The following TMEM45A variants were observed in gnomAD, a reference collection of about 807,000 sequenced individuals.
TMEM45A encodes the protein transmembrane protein 45A, also known as DNA polymerase-transactivated protein 4.
Under a neutral mutation model 32.0 loss-of-function variants are expected in TMEM45A, and 25 were observed. The ratio of observed to expected loss-of-function variants is 0.78; its 90% CI spans 0.57 to 1.09. TMEM45A has a LOEUF of 1.09. Ranked by LOEUF, TMEM45A falls within the 50% of genes least tolerant of loss-of-function variation. The pLI is 0.00. For missense variants in TMEM45A, 302 were observed against 325.0 expected, an observed-to-expected ratio of 0.93 and a Z score of 0.54; for synonymous variants, 122 against 114.8, an observed-to-expected ratio of 1.06 and a Z score of -0.40.
intron 1 of TMEM45A, among the ~76,000 whole-genome samples, chr3:100,509,849 G>A (rs1438076247): frequency 1.3e-5 from 2 of 152,186 alleles, no homozygotes; most frequent in African/African-American, 4.8e-5. Context: ...GTCAAAGAAA[G>A]GGGCGACAGA....
intron 1 of TMEM45A, among the ~76,000 whole-genome samples, chr3:100,499,614 C>A (rs141403582): frequency 3.9e-5 from 6 of 152,120 alleles, no homozygotes; most frequent in Non-Finnish European, 7.4e-5. Context: ...CAGTGGCTCA[C>A]GCTTTTAATC....
chr3:100,502,434 A>G (rs969550693), intron 1 of TMEM45A, among the ~76,000 whole-genome samples: 10 of 152,204 alleles, frequency 6.6e-5, no homozygotes, highest in African/African-American at 2.4e-4. Flanking sequence ...GCATTTAGAA[A>G]AGATTTGGGG....
Position 100,555,204 on chromosome 3 carries a change from T to G in TMEM45A, c.-3-5T>G. The stretch of plus-strand genomic sequence containing the variant: ...TTTACTTTCTGTGTGTTCTTATATT[T>G]GTAGATCATGGGGAATTTCAGAGGT... On this transcript the variant is annotated splice_region_variant and splice_polypyrimidine_tract_variant and intron_variant, in intron 1 of 5. Transcript: ENST00000323523. 1 of 1,587,200 alleles carries G rather than the reference T, an allele frequency of 6.3e-7. No individual in the cohort carries two copies. The highest frequency in any genetic ancestry group is 8.6e-7 in the Non-Finnish European group (1 of 1,167,720).
chr3:100,575,680 T>C (rs2149000045), intron 5 of TMEM45A, among the ~76,000 whole-genome samples: 1 of 152,298 alleles, frequency 6.6e-6, no homozygotes, highest in Middle Eastern at 3.4e-3. Context: ...CCAGATTCTC[T>C]TAAACTATGA....
At chr3:100,569,662 A>G (rs2148995424) in intron 5 of TMEM45A, among the ~76,000 whole-genome samples, 1 of 152,344 alleles carries the variant, frequency 6.6e-6, no homozygotes, top group East Asian at 1.9e-4. Flanking sequence ...TTAGGACATA[A>G]TAAGAGCTCA....
At chr3:100,511,478 A>G (rs1708158635) in intron 1 of TMEM45A, among the ~76,000 whole-genome samples, 1 of 152,172 alleles carries the variant, frequency 6.6e-6, no homozygotes, top group Non-Finnish European at 1.5e-5. Flanking sequence ...AGGAAGCGCT[A>G]AACATGGAAA....
At chr3:100,553,090 C>A (rs1706141323) in intron 1 of TMEM45A, among the ~76,000 whole-genome samples, 1 of 152,160 alleles carries the variant, frequency 6.6e-6, no homozygotes, top group African/African-American at 2.4e-5. Flanking sequence ...ATAGCATGAG[C>A]TTATTTAACA....
At chr3:100,549,913 G>A (rs547316363) in intron 1 of TMEM45A, among the ~76,000 whole-genome samples, 109 of 151,656 alleles carry the variant, frequency 7.2e-4, no homozygotes, top group African/African-American at 2.4e-3. Flanking sequence ...ATTTTTTATG[G>A]CTGCATAGTA....
rs966241161 is a variant in TMEM45A, at chr3:100,515,394, C to T, written c.-4+22466C>T. Among the ~76,000 whole-genome samples, 22 of 147,954 alleles carry T rather than the reference C, an allele frequency of 1.5e-4. 1 individual carries two copies. The highest frequency in any genetic ancestry group is 4.2e-4 in the South Asian group (2 of 4,720). On this transcript the variant is annotated intron_variant, in intron 1 of 5. Coordinates refer to ENST00000323523, the MANE Select transcript of TMEM45A (RefSeq NM_018004.3). ...ATCACAAGAACAAAAAACCAAACAC[C>T]GCATATTCTCACTCATAGGTGGGAA...
At chr3:100,558,373 C>A in intron 3 of TMEM45A, 32 bp from the exon 4 acceptor site, 1 of 1,610,856 alleles carries the variant, frequency 6.2e-7, no homozygotes, top group Non-Finnish European at 8.5e-7. Context: ...CTTGGTTCCA[C>A]TGAAAAAGAC....
chr3:100,558,559 C>T lies in TMEM45A; in HGVS notation c.558C>T (p.Leu186=). 1 of 1,614,122 alleles carries T rather than the reference C, an allele frequency of 6.2e-7. No individual in the cohort carries two copies. Among genetic ancestry groups the T allele is most frequent in the Non-Finnish European group, 8.5e-7 (1 of 1,179,968 alleles). Residue 186 remains leucine (L), a synonymous_variant, in exon 4 of 6, where the codon CTC becomes CTT. Transcript: ENST00000323523. ...TTCTGGAGCTATTGCGGTCAAGTCT[C>T]ATTCTGCTTCAGGGGAGCTGGTTCT... ...NVLLELLRSS[L]ILLQGSWFFQ... is the part of the protein sequence containing the mutation.
chr3:100,501,758 CAT>C (rs925305512), intron 1 of TMEM45A, among the ~76,000 whole-genome samples: 5 of 152,218 alleles, frequency 3.3e-5, no homozygotes, highest in Non-Finnish European at 7.4e-5. Flanking sequence ...GTGGTAGTAA[CAT>C]AGGTGTTTAG....
intron 5 of TMEM45A, chr3:100,574,352 T>A (rs1269323737): frequency 6.6e-6 from 1 of 152,106 alleles, no homozygotes; most frequent in Non-Finnish European, 1.5e-5. Context: ...CAAACTACCA[T>A]CAGAGAGTAC....
rs183509469 is a variant in TMEM45A at position 100,532,039 on chromosome 3, C to T, written c.-3-23170C>T. On this transcript the variant is annotated intron_variant, in intron 1 of 5. Coordinates refer to ENST00000323523, the MANE Select transcript of TMEM45A (RefSeq NM_018004.3). The stretch of plus-strand genomic sequence containing the variant: ...TCCTTTTTTGAAGATCTTCACATTA[C>T]TCAAGTTTGAGAAGTGCTGCTTTAT... Among the ~76,000 whole-genome samples, 57 of 152,252 alleles carry T rather than the reference C, an allele frequency of 3.7e-4. 1 individual carries two copies. The East Asian group carries it at 0.011, about 29-fold the overall frequency.
intron 4 of TMEM45A, among the ~76,000 whole-genome samples, chr3:100,568,164 C>T (rs80305822): frequency 0.057 from 8,688 of 152,222 alleles, 827 homozygotes; most frequent in African/African-American, 0.2. Context: ...GATTTTGTAT[C>T]CTGCTATTAT....
intron 1 of TMEM45A, among the ~76,000 whole-genome samples, chr3:100,523,732 C>T (rs1576269342): frequency 6.7e-6 from 1 of 149,474 alleles, no homozygotes; most frequent in Non-Finnish European, 1.5e-5. Flanking sequence ...TTCTCCTCCT[C>T]CTTTCTCCTC....
intron 4 of TMEM45A, among the ~76,000 whole-genome samples, chr3:100,565,466 G>C (rs1298541553): frequency 6.6e-6 from 1 of 151,976 alleles, no homozygotes; most frequent in Non-Finnish European, 1.5e-5. Flanking sequence ...TGCACATGAA[G>C]TGTTTTTTTT....
intron 1 of TMEM45A, among the ~76,000 whole-genome samples, chr3:100,517,097 C>T (rs780558430): frequency 2.0e-5 from 3 of 147,026 alleles, no homozygotes; most frequent in Non-Finnish European, 4.4e-5. Flanking sequence ...TATTGCCAGA[C>T]GTGGGAATGA....
intron 1 of TMEM45A, among the ~76,000 whole-genome samples, chr3:100,553,554 G>A (rs1360870526): frequency 6.6e-6 from 1 of 152,090 alleles, no homozygotes; most frequent in African/African-American, 2.4e-5. Context: ...CCATATAGAA[G>A]TTTTCTCGAT....
Sources: gnomAD v4.1 joint callset for allele counts (sites outside exome capture counted in the v4.1 genomes callset) on GRCh38, gnomAD v4.1.1 for gene constraint, MANE v1.5 for transcripts, NCBI Gene and HGNC (gene_info 2026-07-23, HGNC 2026-07-21) for gene names.